The following DUOX2 variants were observed in gnomAD, a reference collection of about 807,000 sequenced individuals.
DUOX2 encodes NADH/NADPH thyroid oxidase p138-tox.
DUOX2 carries 185 observed loss-of-function variants against 183.3 expected under a neutral mutation model. The observed-to-expected ratio is 1.01, with a 90% CI of 0.90 to 1.14. The LOEUF (loss-of-function observed/expected upper bound fraction) is 1.14, where lower values mean the gene tolerates loss of function less well. DUOX2 is among the 50% of genes most tolerant of loss of function. The probability of loss-of-function intolerance (pLI) is 0.00; values close to 1 mark genes in which losing one functional copy is unlikely to be tolerated. For missense variants in DUOX2, 1,999 were observed against 2,022.9 expected, an observed-to-expected ratio of 0.99 and a Z score of 0.23; for synonymous variants, 788 against 812.4, an observed-to-expected ratio of 0.97 and a Z score of 0.51.
rs1894361165 is a variant in DUOX2, at chr15:45,110,634, T to A, written c.943+16A>T. ...AGGATTCTCCGCACAGGTGTCCTCCTTCCCCGCTCCCTCACCTGTATACTC... is the reference window on the plus strand; with the variant it reads ...AGGATTCTCCGCACAGGTGTCCTCCATCCCCGCTCCCTCACCTGTATACTC... On this transcript the variant is annotated intron_variant, in intron 8 of 33. Transcript: ENST00000389039. 5 of 1,613,216 alleles carry A rather than the reference T, an allele frequency of 3.1e-6. No individual in the cohort carries two copies. In the African/African-American group the frequency reaches 5.3e-5, roughly 17 times the overall value.
chr15:45,101,374 A>G, intron 21 of DUOX2, 100 bp from the exon 22 acceptor site: 1 of 1,034,368 alleles, frequency 9.7e-7, no homozygotes, highest in Non-Finnish European at 1.5e-6. Flanking sequence ...TCATGTCCAG[A>G]TCTCTGACTC....
In DUOX2 at chr15:45,094,277, CAGG is replaced by C. The variant is rs749101175; in HGVS notation, c.4525-8_4525-6del. ...GAACACCCCGATCTTGCGCACCTGTCAGGAGATTGGAGAGAGAGAGGGGCCTGC... is the reference window on the plus strand; with the variant it reads ...GAACACCCCGATCTTGCGCACCTGTCAGATTGGAGAGAGAGAGGGGCCTGC... On this transcript the variant is annotated splice_polypyrimidine_tract_variant and splice_region_variant and intron_variant, in intron 33 of 33. Transcript: ENST00000389039. The C allele has an allele frequency of 4.2e-5, 67 of 1,614,144 alleles. No homozygotes were observed. The African/African-American group carries it at 7.6e-4, about 18-fold the overall frequency.
At chr15:45,099,622 G>C in intron 25 of DUOX2, 40 bp downstream of exon 25, 1 of 1,610,388 alleles carries the variant, frequency 6.2e-7, no homozygotes, top group African/African-American at 1.3e-5. Flanking sequence ...CTAGACCCAG[G>C]GTGCTGCAGC....
chr15:45,107,850 C>CAAAAAAAAAAAAAAAAAAA (rs36025213), intron 13 of DUOX2, among the ~76,000 whole-genome samples, 197 bp downstream of exon 13: 5 of 48,808 alleles, frequency 1.0e-4, no homozygotes, highest in Non-Finnish European at 1.1e-4. Context: ...GACTCTGCCT[C>CAAAAAAAAAAAAAAAAAAA]AAAAAAAAAA....
At chr15:45,099,935 A>C (rs1894029471) in intron 24 of DUOX2, 43 bp from the exon 25 acceptor site, 1 of 1,612,188 alleles carries the variant, frequency 6.2e-7, no homozygotes, top group South Asian at 1.1e-5. Flanking sequence ...ACAGGTGGCC[A>C]AGGTCCCGAG....
chr15:45,103,725 C>G (rs1011639927), intron 20 of DUOX2, among the ~76,000 whole-genome samples: 6 of 150,926 alleles, frequency 4.0e-5, no homozygotes, highest in Non-Finnish European at 5.9e-5. Flanking sequence ...CGTTTTTTAA[C>G]TAGGGAGGCT....
intron 12 of DUOX2, 116 bp from the exon 13 acceptor site, chr15:45,108,338 AT>A (rs1373493520): frequency 7.9e-7 from 1 of 1,263,192 alleles, no homozygotes; most frequent in African/African-American, 1.5e-5. Flanking sequence ...CTCAGGCCTG[AT>A]TTCCTCTTCT....
In DUOX2 at chr15:45,094,604, A is replaced by G. The variant is rs2141138988; in HGVS notation, c.4483T>C (p.Phe1495Leu). The change falls in exon 33 of 34, where the codon TTC (phenylalanine) becomes CTC (leucine). Residue 1495 changes from phenylalanine to leucine, a missense_variant. Physicochemically the swap from Phe to Leu is conservative, Grantham distance 22. This residue lies in a region of DUOX2 where 1,628 missense variants were observed against 1,608.6 expected (regional missense o/e 1.01). Coordinates refer to ENST00000389039, the MANE Select transcript of DUOX2 (RefSeq NM_001363711.2). Reference sequence around the variant, plus strand: ...TGCAGGGAGTTGAAGAAGGGCTCGAAGGGGGGACGGCCAAAGTGGGTGATG... The same window carrying G: ...TGCAGGGAGTTGAAGAAGGGCTCGAGGGGGGGACGGCCAAAGTGGGTGATG... ...RSITHFGRPP[F>L]EPFFNSLQEV... The G allele has an allele frequency of 1.2e-6, 2 of 1,613,976 alleles. No individual in the cohort carries two copies. Among genetic ancestry groups the G allele is most frequent in the Middle Eastern group, 1.7e-4 (1 of 6,058 alleles).
intron 28 of DUOX2, 41 bp from the exon 29 acceptor site, chr15:45,097,432 G>T: frequency 6.2e-7 from 1 of 1,614,110 alleles, no homozygotes; most frequent in African/African-American, 1.3e-5. Context: ...GCCCAGCCAG[G>T]CCCCTGCCCG....
Position 45,111,886 on chromosome 15 carries a change from C to A in DUOX2, c.395G>T (p.Arg132Leu), listed in dbSNP as rs202200643. 33 of 1,613,864 alleles carry A rather than the reference C, an allele frequency of 2.0e-5. No individual in the cohort carries two copies. Among genetic ancestry groups the A allele is most frequent in the Non-Finnish European group, 2.4e-5 (28 of 1,179,996 alleles). The change falls in exon 5 of 34, where the codon CGC becomes CTC. Residue 132 changes from arginine to leucine, a missense_variant. Arg to Leu is a moderately radical substitution (Grantham distance 102, BLOSUM62 -2). Coordinates refer to ENST00000389039, the MANE Select transcript of DUOX2 (RefSeq NM_001363711.2). The stretch of plus-strand genomic sequence containing the variant: ...GAACACGGGGTCTCCAGGTGGGATG[C>A]GGATGTTGAGGAACTCGGCGGGGCA... ...PGCPAEFLNI[R>L]IPPGDPVFDP... is the part of the protein sequence containing the mutation.
At position 45,107,520 on chromosome 15, in the gene DUOX2, A is replaced by G. The variant is rs533422767; in HGVS notation, c.1575-57T>C. 47 of 1,563,728 alleles carry G rather than the reference A, an allele frequency of 3.0e-5. No homozygotes were observed. In the East Asian group the frequency reaches 9.4e-4, roughly 31 times the overall value. On this transcript the variant is annotated intron_variant, in intron 13 of 33. Transcript: ENST00000389039. ...GGGAAGGGGATGCAGGCCTCCAGCA[A>G]CCCCAGGCCCAAGGACCCAGGTGAG...
Position 45,113,067 on chromosome 15 carries a change from T to G in DUOX2, c.80A>C (p.Asp27Ala). The G allele has an allele frequency of 6.2e-7, 1 of 1,613,790 alleles. No homozygotes were observed. The highest frequency in any genetic ancestry group is 8.5e-7 in the Non-Finnish European group (1 of 1,179,922). Residue 27 changes from aspartate to alanine, a missense_variant, in exon 3 of 34, where the codon GAC becomes GCC. Around this residue, in one of 3 missense-constraint regions of DUOX2, gnomAD observed 356 missense variants for 356.4 expected, o/e 1.00. Coordinates refer to ENST00000389039, the MANE Select transcript of DUOX2 (RefSeq NM_001363711.2). ...TGSLGPSGSQ[D>A]ALSLPWEVQR... ...CACTTCCCAGGGCAGTGAGAGTGCG[T>G]CCTGACTGCCTGTGGGCACAGAGAA...
At chr15:45,105,373 T>A (rs1183024689) in intron 18 of DUOX2, among the ~76,000 whole-genome samples, 2 of 152,164 alleles carry the variant, frequency 1.3e-5, no homozygotes, top group African/African-American at 4.8e-5. Context: ...ATGTAGACGA[T>A]CTCACCGAAT....
chr15:45,101,143 C>G (rs982742385), intron 22 of DUOX2, 62 bp downstream of exon 22: 1 of 1,468,466 alleles, frequency 6.8e-7, no homozygotes, highest in East Asian at 2.3e-5. Context: ...CAGTCCTACT[C>G]CCTTCATTTC....
chr15:45,112,930 C>T, intron 3 of DUOX2, 57 bp downstream of exon 3: 1 of 1,594,886 alleles, frequency 6.3e-7, no homozygotes, highest in Non-Finnish European at 8.6e-7. Context: ...CAGGGCCTTT[C>T]GCGCCCCGGC....
intron 18 of DUOX2, 91 bp downstream of exon 18, chr15:45,105,552 G>T: frequency 6.7e-7 from 1 of 1,493,846 alleles, no homozygotes; most frequent in Non-Finnish European, 9.3e-7. Flanking sequence ...TAGAGCGGAA[G>T]CTTAGTTCAC....
intron 21 of DUOX2, 116 bp from the exon 22 acceptor site, chr15:45,101,390 C>G (rs1566973542): frequency 3.3e-6 from 3 of 903,132 alleles, no homozygotes; most frequent in African/African-American, 3.3e-5. Flanking sequence ...GACTCGAGTC[C>G]TGTTTCCCTC....
intron 18 of DUOX2, among the ~76,000 whole-genome samples, chr15:45,105,013 G>T (rs183147820): frequency 6.6e-6 from 1 of 152,134 alleles, no homozygotes; most frequent in Non-Finnish European, 1.5e-5. Context: ...TAGAGATGGG[G>T]TTTCACCATG....
In DUOX2 at chr15:45,101,805, C is replaced by T; in HGVS notation, c.2839G>A (p.Gly947Arg). The T allele has an allele frequency of 6.2e-7, 1 of 1,614,218 alleles. No individual in the cohort carries two copies. The highest frequency in any genetic ancestry group is 8.5e-7 in the Non-Finnish European group (1 of 1,180,050). Residue 947 changes from glycine to arginine, a missense_variant, in exon 21 of 34, where the codon GGA (glycine) becomes AGA (arginine). Around this residue, in one of 3 missense-constraint regions of DUOX2, gnomAD observed 1,628 missense variants for 1,608.6 expected, o/e 1.01. Coordinates refer to ENST00000389039, the MANE Select transcript of DUOX2 (RefSeq NM_001363711.2). Reference protein sequence around the residue: ...FTQLCVKGGGGGGNGIRDIFK... With the variant: ...FTQLCVKGGGRGGNGIRDIFK... The stretch of plus-strand genomic sequence containing the variant: ...CTCACACACTCACCATTTCCACCTC[C>T]ACCTCCACCTTTGACACAGAGCTGC...
Sources: gnomAD v4.1 joint callset for allele counts (sites outside exome capture counted in the v4.1 genomes callset) on GRCh38, gnomAD v4.1.1 for gene constraint, gnomAD v4.1.1 regional missense constraint, MANE v1.5 for transcripts, NCBI Gene and HGNC (gene_info 2026-07-23, HGNC 2026-07-21) for gene names.